VPS51: variants seen among roughly 807,000 people sequenced by gnomAD.
VPS51 encodes the protein VPS51 subunit of GARP complex, also known as vacuolar protein sorting-associated protein 51 homolog.
A neutral mutation model predicts 65.1 loss-of-function variants in VPS51; 55 were observed. That is an observed-to-expected ratio of 0.84 (90% CI 0.68 to 1.06). The LOEUF is 1.06. VPS51 is among the 50% of genes least tolerant of loss of function. The pLI is 0.00. For synonymous variants in VPS51, 473 were observed against 489.5 expected, an observed-to-expected ratio of 0.97 and a Z score of 0.44; for missense variants, 943 against 1,101.6, an observed-to-expected ratio of 0.86 and a Z score of 2.04.
chr11:65,107,040 A>G lies in VPS51; in HGVS notation c.359-541A>G. ...CCCAGGCACCTGGTGTGTGAAAGGA[A>G]AAACAGCCTCCCTAGGCAGGATTCT... is the stretch of plus-strand genomic sequence containing the variant. On this transcript the variant is annotated intron_variant, in intron 2 of 9. Coordinates refer to ENST00000279281, the MANE Select transcript of VPS51 (RefSeq NM_013265.4). The surrounding 1 kb of genome is among the most constrained non-coding windows in gnomAD (Gnocchi z 4.0). 1 of 384,852 alleles carries G rather than the reference A, an allele frequency of 2.6e-6. No individual in the cohort carries two copies. The highest frequency in any genetic ancestry group is 7.4e-5 in the East Asian group (1 of 13,556). 23.8% of individuals were successfully genotyped at this position (384,852 alleles called of 1,614,324 possible).
intron 6 of VPS51, 68 bp downstream of exon 6, chr11:65,109,563 CT>C: frequency 6.4e-7 from 1 of 1,572,352 alleles, no homozygotes; most frequent in East Asian, 2.3e-5. Flanking sequence ...GGACAGTGCC[CT>C]CATGGCCAGA....
chr11:65,105,665 C>T (rs1025297269), intron 2 of VPS51, among the ~76,000 whole-genome samples: 2 of 152,178 alleles, frequency 1.3e-5, no homozygotes, highest in Non-Finnish European at 2.9e-5. Flanking sequence ...GCTGAGTCCC[C>T]AAGCCTGCCT....
rs1316510985 is a variant in VPS51, at chr11:65,108,579, C to T, written c.1108C>T (p.Arg370Trp). Reference sequence around the variant, plus strand: ...TGGTGGTGACAACTCACTGCTGGTGCGGGCGCTGGACCGCTTCCACCGGCG... The same window carrying T: ...TGGTGGTGACAACTCACTGCTGGTGTGGGCGCTGGACCGCTTCCACCGGCG... ...QGGGDNSLLV[R>W]ALDRFHRRLR... The change falls in exon 5 of 10, where the codon CGG becomes TGG. Residue 370 changes from arginine to tryptophan, a missense_variant. Physicochemically the swap from Arg to Trp is moderately radical, Grantham distance 101. This residue lies in a region of VPS51 where 855 missense variants were observed against 953.7 expected (regional missense o/e 0.90). Coordinates refer to ENST00000279281, the MANE Select transcript of VPS51 (RefSeq NM_013265.4). 1.3e-6 allele frequency: 2 copies of T among 1,549,898 alleles called. No individual in the cohort carries two copies. Among genetic ancestry groups the T allele is most frequent in the East Asian group, 2.4e-5 (1 of 42,160 alleles).
Position 65,108,665 on chromosome 11 carries a change from C to T in VPS51, c.1194C>T (p.Ile398=), listed in dbSNP as rs1261356897. 1.3e-6 allele frequency: 2 copies of T among 1,569,808 alleles called. No homozygotes were observed. Among genetic ancestry groups the T allele is most frequent in the African/African-American group, 1.4e-5 (1 of 74,056 alleles). ...AAGLADAATE[I]VERVARERLG... ...GGCTCGCAGACGCTGCCACGGAGAT[C>T]GTGGAACGAGTGGCCCGCGAGCGCC... Residue 398 remains isoleucine (I), a synonymous_variant, in exon 5 of 10, where the codon ATC becomes ATT. Transcript: ENST00000279281.
In VPS51 at chr11:65,108,130, C is replaced by T. The variant is rs1947856623; in HGVS notation, c.726-67C>T. The T allele has an allele frequency of 1.8e-5, 28 of 1,558,360 alleles. No individual in the cohort carries two copies. In the East Asian group the frequency reaches 6.0e-4, roughly 34 times the overall value. ...GTCCCCCTGCCCTGTGTGTGCTTTGCTTTCCTGCTCCTGCCCCATCCACCG... is the reference window on the plus strand; with the variant it reads ...GTCCCCCTGCCCTGTGTGTGCTTTGTTTTCCTGCTCCTGCCCCATCCACCG... On this transcript the variant is annotated intron_variant, in intron 4 of 9. Coordinates refer to ENST00000279281, the MANE Select transcript of VPS51 (RefSeq NM_013265.4).
Position 65,107,470 on chromosome 11 carries a change from C to T in VPS51, c.359-111C>T, listed in dbSNP as rs1565313683. The T allele has an allele frequency of 3.7e-6, 5 of 1,363,248 alleles. No homozygotes were observed. Among genetic ancestry groups the T allele is most frequent in the East Asian group, 2.4e-5 (1 of 42,412 alleles). The allele number at this position is 1,363,248 out of a possible 1,614,324, so 84.4% of individuals were successfully genotyped here. On this transcript the variant is annotated intron_variant, in intron 2 of 9. Coordinates refer to ENST00000279281, the MANE Select transcript of VPS51 (RefSeq NM_013265.4). This position sits in a 1 kb window ranked among gnomAD's most constrained non-coding sequence, Gnocchi z 4.0. ...AGTCCTTTCTCTGGAATCATCCATGCGCCCCTGGAGCAAGCTGGGGCGTCT... is the reference window on the plus strand; with the variant it reads ...AGTCCTTTCTCTGGAATCATCCATGTGCCCCTGGAGCAAGCTGGGGCGTCT...
In VPS51 at chr11:65,111,422, G is replaced by A. The variant is rs748514908; in HGVS notation, c.2184G>A (p.Val728=). 6.2e-7 allele frequency: 1 copy of A among 1,613,666 alleles called. No homozygotes were observed. Among genetic ancestry groups the A allele is most frequent in the East Asian group, 2.2e-5 (1 of 44,892 alleles). The part of the protein sequence containing the change: ...RTFGRFGLQQ[V]QVDCHFLQLY... ...TTGGGCGCTTCGGGCTGCAGCAGGTGCAAGTGGACTGCCACTTTCTGCAGC... is the reference window on the plus strand; with the variant it reads ...TTGGGCGCTTCGGGCTGCAGCAGGTACAAGTGGACTGCCACTTTCTGCAGC... Residue 728 remains valine, a synonymous_variant, in exon 10 of 10, where the codon GTG becomes GTA. Coordinates refer to ENST00000279281, the MANE Select transcript of VPS51 (RefSeq NM_013265.4).
At chr11:65,096,518 G>GGGGGGGGGC (rs2137177376) in intron 1 of VPS51, 40 bp downstream of exon 1, 53 of 499,324 alleles carry the variant, frequency 1.1e-4, no homozygotes, top group East Asian at 2.6e-4. Context: ...GGGGAGGGGG[G>GGGGGGGGGC]AAGGGAACCA....
rs377335542 is a variant in VPS51, at chr11:65,107,993, C to G, written c.696C>G (p.Arg232=). 174 of 1,549,318 alleles carry G rather than the reference C, an allele frequency of 1.1e-4. No homozygotes were observed. The highest frequency in any genetic ancestry group is 3.8e-4 in the Middle Eastern group (2 of 5,234). Residue 232 remains arginine, a synonymous_variant, in exon 4 of 10, where the codon CGC becomes CGG. Coordinates refer to ENST00000279281, the MANE Select transcript of VPS51 (RefSeq NM_013265.4). This position sits in a 1 kb window ranked among gnomAD's most constrained non-coding sequence, Gnocchi z 4.0. ...IQDDCQVITA[R]LAQQLRQRFR... ...ACGACTGCCAGGTCATCACGGCCCG[C>G]CTGGCCCAGCAGCTGCGGCAGCGCT... is the stretch of plus-strand genomic sequence containing the variant.
In VPS51 at chr11:65,107,359, G is replaced by A. The variant is rs1046408620; in HGVS notation, c.359-222G>A. The A allele has an allele frequency of 4.7e-6, 3 of 636,220 alleles. No individual in the cohort carries two copies. The highest frequency in any genetic ancestry group is 8.4e-6 in the Non-Finnish European group (3 of 355,864). The allele number at this position is 636,220 out of a possible 1,614,324, so 39.4% of individuals were successfully genotyped here. On this transcript the variant is annotated intron_variant, in intron 2 of 9. Transcript: ENST00000279281. This position sits in a 1 kb window ranked among gnomAD's most constrained non-coding sequence, Gnocchi z 4.0. ...CTCTCCTGGGCACCAGGGTTAGGGG[G>A]TTACGGGGAGTATGTGAGTAACGCC...
In VPS51 at chr11:65,111,404, C is replaced by T. The variant is rs1947900600; in HGVS notation, c.2166C>T (p.Arg722=). The part of the protein sequence containing the change: ...LECVRLRTFG[R]FGLQQVQVDC... ...GTGTGCGGCTGCGCACCTTTGGGCG[C>T]TTCGGGCTGCAGCAGGTGCAAGTGG... Residue 722 remains arginine (R), a synonymous_variant, in exon 10 of 10, where the codon CGC becomes CGT. Transcript: ENST00000279281. 4 of 1,613,180 alleles carry T rather than the reference C, an allele frequency of 2.5e-6. No homozygotes were observed. Among genetic ancestry groups the T allele is most frequent in the Non-Finnish European group, 3.4e-6 (4 of 1,180,020 alleles).
chr11:65,096,352 C>A lies in VPS51; in HGVS notation c.102C>A (p.His34Gln). The A allele has an allele frequency of 1.3e-6, 2 of 1,527,200 alleles. No homozygotes were observed. Among genetic ancestry groups the A allele is most frequent in the Admixed American group, 2.4e-5 (1 of 41,506 alleles). The allele number at this position is 1,527,200 out of a possible 1,614,324, so 94.6% of individuals were successfully genotyped here. ...GEAPERRRKA[H>Q]GMLKLYYGLS... ...CTCCGGAGCGTCGGCGGAAGGCGCACGGGATGCTGAAGCTTTACTACGGCC... is the reference window on the plus strand; with the variant it reads ...CTCCGGAGCGTCGGCGGAAGGCGCAAGGGATGCTGAAGCTTTACTACGGCC... The change falls in exon 1 of 10, where the codon CAC becomes CAA. Residue 34 changes from histidine (H) to glutamine (Q), a missense_variant. By Grantham distance (24) the His-to-Gln change is conservative. This residue lies in a region of VPS51 where 855 missense variants were observed against 953.7 expected (regional missense o/e 0.90). Transcript: ENST00000279281.
intron 2 of VPS51, among the ~76,000 whole-genome samples, chr11:65,103,238 C>G (rs563263882): frequency 6.6e-6 from 1 of 152,256 alleles, no homozygotes; most frequent in East Asian, 1.9e-4. Context: ...GAGCAAGACC[C>G]TATCTCAAGC....
At chr11:65,106,913 GC>G (rs1947845711) in intron 2 of VPS51, among the ~76,000 whole-genome samples, 1 of 152,144 alleles carries the variant, frequency 6.6e-6, no homozygotes, top group South Asian at 2.1e-4. Context: ...AGTAGAGACA[GC>G]AAAGAGGAGG....
Position 65,096,234 on chromosome 11 carries a change from G to GGGCTGCAGTTGGAACGATGGCGGCGGC in VPS51, c.-16_11dup. On this transcript the variant is annotated 5_prime_UTR_variant, in exon 1 of 10. In the 5' UTR this introduces an upstream ATG that the reference lacks. Coordinates refer to ENST00000279281, the MANE Select transcript of VPS51 (RefSeq NM_013265.4). ...CCTTCCTTTCCAGCCTCACGCCCGT[G>GGGCTGCAGTTGGAACGATGGCGGCGGC]GGCTGCAGTTGGAACGATGGCGGCG... is the stretch of plus-strand genomic sequence containing the variant. 3 of 1,526,796 alleles carry GGGCTGCAGTTGGAACGATGGCGGCGGC rather than the reference G, an allele frequency of 2.0e-6. No homozygotes were observed. Among genetic ancestry groups the GGGCTGCAGTTGGAACGATGGCGGCGGC allele is most frequent in the Non-Finnish European group, 2.6e-6 (3 of 1,139,198 alleles). 94.6% of individuals were successfully genotyped at this position (1,526,796 alleles called of 1,614,324 possible). A position where few individuals can be genotyped will look rare whatever the true frequency, so the allele number is the denominator to read the frequency against.
rs1947777773 is a variant in VPS51 at position 65,097,293 on chromosome 11, C to G, written c.358+166C>G. 1.3e-5 allele frequency: 13 copies of G among 1,039,010 alleles called. 1 individual carries two copies. The South Asian group carries it at 1.6e-4, about 13-fold the overall frequency. 64.4% of individuals were successfully genotyped at this position (1,039,010 alleles called of 1,614,324 possible). A position where few individuals can be genotyped will look rare whatever the true frequency, so the allele number is the denominator to read the frequency against. On this transcript the variant is annotated intron_variant, in intron 2 of 9. Transcript: ENST00000279281. ...CCTTTGAGCCTTCGTTGTCAGACTA[C>G]TATAGAGATAATAGCTACTCTCAGA...
Position 65,109,775 on chromosome 11 carries a change from C to A in VPS51, c.1730C>A (p.Thr577Asn). 1 of 1,604,094 alleles carries A rather than the reference C, an allele frequency of 6.2e-7. No homozygotes were observed. The highest frequency in any genetic ancestry group is 8.5e-7 in the Non-Finnish European group (1 of 1,176,254). The change falls in exon 7 of 10, where the codon ACC becomes AAC. Residue 577 changes from threonine (T) to asparagine (N), a missense_variant. Transcript: ENST00000279281. ...EARETARRLL[T>N]HYVKVQGLVI... ...AGGGAAACGGCGCGGCGGCTGCTGACCCACTACGTGAAGGTGCAGGGCCTG... is the reference window on the plus strand; with the variant it reads ...AGGGAAACGGCGCGGCGGCTGCTGAACCACTACGTGAAGGTGCAGGGCCTG...
At chr11:65,096,902 T>G in intron 1 of VPS51, 96 bp from the exon 2 acceptor site, 2 of 1,530,236 alleles carry the variant, frequency 1.3e-6, no homozygotes, top group Non-Finnish European at 1.8e-6. Flanking sequence ...TGGGTGGGGA[T>G]CAGAGATTTC....
At chr11:65,096,502 G>T (rs1947770317) in intron 1 of VPS51, 24 bp downstream of exon 1, 1 of 1,264,544 alleles carries the variant, frequency 7.9e-7, no homozygotes, top group Non-Finnish European at 1.1e-6. Context: ...GGGAGTGGGG[G>T]GGTGCGGGGA....
Sources: gnomAD v4.1 joint callset for allele counts (sites outside exome capture counted in the v4.1 genomes callset) on GRCh38, gnomAD v4.1.1 for gene constraint, gnomAD v4.1.1 regional missense constraint, Gnocchi (gnomAD v3.1) non-coding constraint, MANE v1.5 for transcripts, NCBI Gene and HGNC (gene_info 2026-07-23, HGNC 2026-07-21) for gene names.